The following RMP24 variants were observed in gnomAD, a reference collection of about 807,000 sequenced individuals.
The protein encoded by RMP24 is ribonuclease MRP subunit p24.
At chr18:35,975,234 C>G in the RMP24 span, 3 of 677,720 alleles carry the variant, frequency 4.4e-6, no homozygotes, top group Non-Finnish European at 7.2e-6. Context: ...TACATAAACA[C>G]TTCTCTAATG....
the RMP24 span, chr18:35,972,708 C>CCAGCGG: frequency 1.3e-6 from 2 of 1,598,814 alleles, no homozygotes; most frequent in South Asian, 1.1e-5. Context: ...CCGCGGCGAG[C>CCAGCGG]CAGCGGCAGC....
chr18:35,975,100 G>C, the RMP24 span: 1 of 1,609,836 alleles, frequency 6.2e-7, no homozygotes, highest in Non-Finnish European at 8.5e-7. Flanking sequence ...GTATTGGTAA[G>C]ATTTCAGTTC....
At chr18:35,973,004 C>CT in the RMP24 span, 1 of 1,507,554 alleles carries the variant, frequency 6.6e-7, no homozygotes, top group Non-Finnish European at 9.2e-7. Context: ...ACTCACTTCC[C>CT]TCCATAAAAA....
chr18:35,976,138 ATTTTTTTTTTTT>A, the RMP24 span, among the ~76,000 whole-genome samples: 143 of 72,760 alleles, frequency 2.0e-3, no homozygotes, highest in Non-Finnish European at 2.9e-3. Context: ...TGTTTTTCTG[ATTTTTTTTTTTT>A]TTTTTTTTTT....
chr18:35,975,272 A>G, the RMP24 span, among the ~76,000 whole-genome samples: 12 of 152,346 alleles, frequency 7.9e-5, no homozygotes, highest in African/African-American at 2.9e-4. Context: ...AGGACAGCTT[A>G]CTTTTATTTT....
At chr18:35,973,580 C>T in the RMP24 span, 1 of 152,360 alleles carries the variant, frequency 6.6e-6, no homozygotes, top group East Asian at 1.9e-4. Context: ...CTAACTCTCT[C>T]TCCTCCCCCA....
the RMP24 span, chr18:35,979,183 A>G: frequency 1.8e-6 from 1 of 541,478 alleles, no homozygotes; most frequent in African/African-American, 1.9e-5. Flanking sequence ...ACCTCATAGG[A>G]CAGCTGTGAG....
At chr18:35,975,176 A>C in the RMP24 span, 2 of 1,129,504 alleles carry the variant, frequency 1.8e-6, no homozygotes, top group African/African-American at 1.6e-5. Context: ...AATCAGCCTC[A>C]GTATAACTCA....
chr18:35,977,675 T>A, the RMP24 span: 4 of 1,436,946 alleles, frequency 2.8e-6, no homozygotes, highest in Admixed American at 8.9e-5. Flanking sequence ...TAATATATAC[T>A]CCCTAAATAT....
chr18:35,975,552 C>CT, the RMP24 span, among the ~76,000 whole-genome samples: 1 of 152,178 alleles, frequency 6.6e-6, no homozygotes, highest in Non-Finnish European at 1.5e-5. Context: ...GTGAATGCAT[C>CT]TTTTGTTCTT....
chr18:35,978,766 A>T, the RMP24 span: 1 of 1,414,412 alleles, frequency 7.1e-7, no homozygotes, highest in Non-Finnish European at 9.5e-7. Context: ...GTATATGGCC[A>T]TAATACAAAA....
At chr18:35,977,613 A>G in the RMP24 span, 1 of 1,601,650 alleles carries the variant, frequency 6.2e-7, no homozygotes, top group Non-Finnish European at 8.5e-7. Context: ...ATCTTAATCC[A>G]TGAAGTTTTT....
chr18:35,975,655 G>A, the RMP24 span, among the ~76,000 whole-genome samples: 4 of 152,116 alleles, frequency 2.6e-5, no homozygotes, highest in East Asian at 3.8e-4. Context: ...GATTACGTAC[G>A]GTTTACTATA....
At chr18:35,978,681 T>C in the RMP24 span, among the ~76,000 whole-genome samples, 1 of 152,258 alleles carries the variant, frequency 6.6e-6, no homozygotes, top group African/African-American at 2.4e-5. Flanking sequence ...CCCTTTTCTC[T>C]GTCAGAAATT....
At chr18:35,973,199 T>C in the RMP24 span, 1 of 544,702 alleles carries the variant, frequency 1.8e-6, no homozygotes, top group Admixed American at 3.1e-5. Flanking sequence ...GCTTTGCTGG[T>C]TCCTCCTAAT....
the RMP24 span, chr18:35,972,982 T>A: frequency 1.3e-6 from 2 of 1,579,626 alleles, no homozygotes; most frequent in Non-Finnish European, 1.7e-6. Context: ...AACGCTCAAA[T>A]AAGGCCGATG....
chr18:35,979,248 G>T, the RMP24 span: 1 of 285,192 alleles, frequency 3.5e-6, no homozygotes, highest in Non-Finnish European at 6.5e-6. Flanking sequence ...ATATATATGT[G>T]TATGTATATA....
the RMP24 span, chr18:35,977,358 G>A: frequency 2.0e-6 from 3 of 1,523,254 alleles, no homozygotes; most frequent in East Asian, 4.5e-5. Flanking sequence ...TGGTTTATGG[G>A]GTTAAATTAT....
chr18:35,974,903 G>A, the RMP24 span: 14 of 1,612,636 alleles, frequency 8.7e-6, no homozygotes, highest in Non-Finnish European at 1.2e-5. Flanking sequence ...TAGATGATAA[G>A]AGCACTTTTG....
Sources: allele counts gnomAD v4.1 joint callset (sites outside exome capture counted in the v4.1 genomes callset), GRCh38; gene constraint gnomAD v4.1.1; transcripts MANE v1.5; gene names NCBI Gene and HGNC (gene_info 2026-07-23, HGNC 2026-07-21).